The following RBFOX1 variants were observed in gnomAD, a reference collection of about 807,000 sequenced individuals.
The protein encoded by RBFOX1 is RNA binding fox-1 homolog 1.
A neutral mutation model predicts 57.7 loss-of-function variants in RBFOX1; 8 were observed. That is an observed-to-expected ratio of 0.14 (90% CI 0.08 to 0.25). RBFOX1 has a LOEUF of 0.25. RBFOX1 is among the 10% of genes least tolerant of loss of function. The pLI, the probability that RBFOX1 is intolerant of heterozygous loss-of-function variation, is 1.00. For synonymous variants in RBFOX1, 326 were observed against 222.4 expected, an observed-to-expected ratio of 1.47 and a Z score of -4.15; for missense variants, 611 against 548.5, an observed-to-expected ratio of 1.11 and a Z score of -1.14.
intron 10 of RBFOX1, among the ~76,000 whole-genome samples, chr16:7,617,798 A>G (rs556831539): frequency 6.0e-4 from 91 of 152,316 alleles, no homozygotes; most frequent in African/African-American, 2.2e-3. Flanking sequence ...CAATGCGGGT[A>G]TAGTACACAG....
intron 13 of RBFOX1, among the ~76,000 whole-genome samples, chr16:7,676,482 A>G (rs1175595270): frequency 6.6e-6 from 1 of 152,066 alleles, no homozygotes; most frequent in East Asian, 1.9e-4. Flanking sequence ...AATCCTCTCC[A>G]CCCCAAGACA....
At chr16:7,143,353 T>C (rs1171898364) in intron 4 of RBFOX1, among the ~76,000 whole-genome samples, 4 of 151,980 alleles carry the variant, frequency 2.6e-5, no homozygotes. Flanking sequence ...TGAGCCACTG[T>C]AGAAAAGTGG....
intron 3 of RBFOX1, among the ~76,000 whole-genome samples, chr16:6,844,682 G>T (rs749194098): frequency 1.1e-4 from 16 of 152,102 alleles, no homozygotes; most frequent in Middle Eastern, 6.8e-3. Flanking sequence ...AATGATTTCT[G>T]TTCCTTTGGG....
At position 5,599,214 on chromosome 16, in the gene RBFOX1, AC is replaced by A; in HGVS notation, c.572del (p.Thr191IlefsTer24). On this transcript the variant is annotated frameshift_variant, in exon 3 of 3. Coordinates refer to the RBFOX1 transcript ENST00000585867. LOFTEE classifies it low-confidence loss of function (END_TRUNC). ...CTGTCCTCTAAAAAAGACCAGGCCC[AC>A]TTGGTGGACAGATCCGGGGCACAGT... 1 of 698,424 alleles carries A rather than the reference AC, an allele frequency of 1.4e-6. No individual in the cohort carries two copies. The highest frequency in any genetic ancestry group is 2.7e-5 in the East Asian group (1 of 37,212). The allele number at this position is 698,424 out of a possible 1,614,324, so 43.3% of individuals were successfully genotyped here.
intron 4 of RBFOX1, among the ~76,000 whole-genome samples, chr16:7,059,702 T>G (rs1598392078): frequency 1.3e-5 from 2 of 152,198 alleles, no homozygotes; most frequent in South Asian, 4.1e-4. Context: ...TATTGGCAGA[T>G]GTGCACAGCA....
At chr16:6,451,537 C>T (rs1013889515) in intron 2 of RBFOX1, among the ~76,000 whole-genome samples, 15 of 152,154 alleles carry the variant, frequency 9.9e-5, no homozygotes, top group Non-Finnish European at 5.9e-5. Context: ...ACTTCCCCAA[C>T]GTGGGGAAGA....
chr16:5,642,238 A>G (rs906380501), intron 3 of RBFOX1, among the ~76,000 whole-genome samples: 1 of 152,218 alleles, frequency 6.6e-6, no homozygotes, highest in African/African-American at 2.4e-5. Flanking sequence ...GAGAGATAAG[A>G]GAAGGTTTAT....
intron 4 of RBFOX1, among the ~76,000 whole-genome samples, chr16:7,277,379 G>A (rs1353864438): frequency 1.3e-5 from 2 of 152,068 alleles, no homozygotes; most frequent in Non-Finnish European, 2.9e-5. Context: ...TTCCTGAATT[G>A]CCTACCTCCA....
At chr16:5,337,305 G>T (rs1208782608) in intron 1 of RBFOX1, among the ~76,000 whole-genome samples, 1 of 152,186 alleles carries the variant, frequency 6.6e-6, no homozygotes, top group Non-Finnish European at 1.5e-5. Context: ...AAAGTGTACA[G>T]GTGAGTTTTC....
At chr16:7,582,138 G>A (rs1034976) in intron 6 of RBFOX1, among the ~76,000 whole-genome samples, 2 of 150,442 alleles carry the variant, frequency 1.3e-5, no homozygotes, top group East Asian at 4.0e-4. Context: ...AGCGATTCTT[G>A]TGCCTCAGCT....
chr16:5,481,074 C>T (rs976865980), intron 2 of RBFOX1, among the ~76,000 whole-genome samples: 1 of 152,250 alleles, frequency 6.6e-6, no homozygotes, highest in Non-Finnish European at 1.5e-5. Context: ...TCTAAAAATA[C>T]TCCGACTCTC....
intron 2 of RBFOX1, among the ~76,000 whole-genome samples, chr16:6,399,721 A>G (rs1403722098): frequency 7.9e-5 from 12 of 152,096 alleles, no homozygotes; most frequent in Admixed American, 7.9e-4. Context: ...CTTATGTATT[A>G]GTTCATTCTC....
At chr16:5,605,743 A>G (rs1446693684) in intron 3 of RBFOX1, among the ~76,000 whole-genome samples, 1 of 151,988 alleles carries the variant, frequency 6.6e-6, no homozygotes, top group African/African-American at 2.4e-5. Flanking sequence ...TTAATTTAAT[A>G]ATGTCTGCCT....
intron 4 of RBFOX1, among the ~76,000 whole-genome samples, chr16:7,276,974 G>T (rs540532163): frequency 6.6e-6 from 1 of 152,168 alleles, no homozygotes; most frequent in African/African-American, 2.4e-5. Flanking sequence ...AGCAGCTTAT[G>T]TGCAGCAAAT....
intron 4 of RBFOX1, among the ~76,000 whole-genome samples, chr16:7,184,491 C>T (rs1340263952): frequency 6.6e-6 from 1 of 152,242 alleles, no homozygotes; most frequent in Non-Finnish European, 1.5e-5. Context: ...CCTCCTCTGA[C>T]ATAGTTATTT....
chr16:6,536,983 C>G (rs551850196), intron 2 of RBFOX1, among the ~76,000 whole-genome samples: 1 of 152,152 alleles, frequency 6.6e-6, no homozygotes, highest in Non-Finnish European at 1.5e-5. Context: ...TCCTTCCTAT[C>G]CATTGTCTTT....
intron 3 of RBFOX1, among the ~76,000 whole-genome samples, chr16:5,849,646 G>T (rs186609988): frequency 6.6e-6 from 1 of 152,124 alleles, no homozygotes; most frequent in African/African-American, 2.4e-5. Context: ...GACTGCTCAC[G>T]GAGGCTGCTC....
At chr16:7,013,620 G>C (rs2093758538) in intron 3 of RBFOX1, among the ~76,000 whole-genome samples, 1 of 152,142 alleles carries the variant, frequency 6.6e-6, no homozygotes, top group African/African-American at 2.4e-5. Flanking sequence ...TATATTACCT[G>C]GAATCAGGGA....
intron 4 of RBFOX1, among the ~76,000 whole-genome samples, chr16:5,975,393 T>C (rs1194054404): frequency 6.6e-6 from 1 of 152,202 alleles, no homozygotes; most frequent in African/African-American, 2.4e-5. Context: ...ATCACAGAGC[T>C]GGGTGCCTGG....
Sources: allele counts gnomAD v4.1 joint callset (sites outside exome capture counted in the v4.1 genomes callset), GRCh38; gene constraint gnomAD v4.1.1; transcripts MANE v1.5; gene names NCBI Gene and HGNC (gene_info 2026-07-23, HGNC 2026-07-21).